The following CDS2 variants were observed in gnomAD, a reference collection of about 807,000 sequenced individuals.
CDS2 encodes CDP-diacylglycerol synthase 2, also known as phosphatidate cytidylyltransferase 2.
CDS2 carries 47 observed loss-of-function variants against 59.0 expected under a neutral mutation model. The ratio of observed to expected loss-of-function variants is 0.80; its 90% CI spans 0.63 to 1.02. The LOEUF (loss-of-function observed/expected upper bound fraction) is 1.02, where lower values mean the gene tolerates loss of function less well. CDS2 is among the 50% of genes least tolerant of loss of function. CDS2 has a pLI of 0.00. For missense variants in CDS2, 356 were observed against 558.9 expected (o/e 0.64, Z 3.66); for synonymous variants, 207 against 206.4 (o/e 1.00, Z -0.02).
chr20:5,168,442 A>G (rs1007333273), intron 1 of CDS2, among the ~76,000 whole-genome samples: 13 of 151,052 alleles, frequency 8.6e-5, no homozygotes, highest in African/African-American at 2.9e-4. Flanking sequence ...AAGAAAAGAA[A>G]AAAAAAAAAG....
intron 1 of CDS2, among the ~76,000 whole-genome samples, chr20:5,160,520 G>A (rs899500421): frequency 6.6e-6 from 1 of 152,104 alleles, no homozygotes; most frequent in Non-Finnish European, 1.5e-5. Context: ...GCCACATGTG[G>A]CCAATTAAAC....
At chr20:5,177,008 G>A (rs570396418) in intron 4 of CDS2, among the ~76,000 whole-genome samples, 5 of 152,152 alleles carry the variant, frequency 3.3e-5, no homozygotes, top group Non-Finnish European at 7.4e-5. Flanking sequence ...CCACAGACTC[G>A]CACAGTGCCT....
chr20:5,181,406 G>A lies in CDS2; in HGVS notation c.530-981G>A, dbSNP rs73893910. Reference sequence around the variant, plus strand: ...TGTTACCAGAAAGGGGTCCAGACCCGGACCCCAAGAGAGTGTTATTGGATC... The same window carrying A: ...TGTTACCAGAAAGGGGTCCAGACCCAGACCCCAAGAGAGTGTTATTGGATC... On this transcript the variant is annotated intron_variant, in intron 5 of 12. Coordinates refer to ENST00000460006, the MANE Select transcript of CDS2 (RefSeq NM_003818.4). 3.2e-3 allele frequency among the ~76,000 whole-genome samples: 490 copies of A among 152,278 alleles called. 5 individuals are homozygous for A. Among genetic ancestry groups the A allele is most frequent in the African/African-American group, 0.011 (462 of 41,548 alleles).
chr20:5,174,789 C>T (rs1303409429), intron 2 of CDS2, among the ~76,000 whole-genome samples: 1 of 151,748 alleles, frequency 6.6e-6, no homozygotes, highest in Non-Finnish European at 1.5e-5. Flanking sequence ...TACTATTATT[C>T]CCATAATTAT....
At chr20:5,135,896 A>T (rs2090646257) in intron 1 of CDS2, among the ~76,000 whole-genome samples, 2 of 152,198 alleles carry the variant, frequency 1.3e-5, no homozygotes, top group Non-Finnish European at 2.9e-5. Flanking sequence ...TCTCATGAGC[A>T]CTGCTGTCTG....
At chr20:5,160,303 G>A (rs1472052811) in intron 1 of CDS2, among the ~76,000 whole-genome samples, 1 of 152,176 alleles carries the variant, frequency 6.6e-6, no homozygotes, top group East Asian at 1.9e-4. Context: ...GCCCTTGACT[G>A]GTTGAACCTT....
chr20:5,137,675 G>C lies in CDS2; in HGVS notation c.57+10526G>C, dbSNP rs191347177. Among the ~76,000 whole-genome samples the C allele has an allele frequency of 1.3e-3, 203 of 151,940 alleles. 1 individual carries two copies. Among genetic ancestry groups the C allele is most frequent in the Non-Finnish European group, 1.6e-3 (108 of 67,958 alleles). ...AAATATTTTTTAAAATTTGCTGGGC[G>C]TGGTGGTGCACGCCTGTAGTCCCAG... On this transcript the variant is annotated intron_variant, in intron 1 of 12. Transcript: ENST00000460006.
intron 10 of CDS2, chr20:5,187,968 G>A (rs943219542): frequency 1.3e-5 from 2 of 151,682 alleles, no homozygotes; most frequent in Non-Finnish European, 2.9e-5. Context: ...TTAGAATTTT[G>A]GAAAGCTTAA....
At chr20:5,135,618 G>A (rs1444243078) in intron 1 of CDS2, among the ~76,000 whole-genome samples, 1 of 152,114 alleles carries the variant, frequency 6.6e-6, no homozygotes, top group Non-Finnish European at 1.5e-5. Flanking sequence ...TAATAGTGAG[G>A]CACCCCCTCC....
rs1169784969 is a variant in CDS2, at chr20:5,191,389, G to A, written c.*1155G>A. 1 of 152,008 alleles carries A rather than the reference G, an allele frequency of 6.6e-6. No individual in the cohort carries two copies. The highest frequency in any genetic ancestry group is 6.6e-5 in the Admixed American group (1 of 15,266). The allele number at this position is 152,008 out of a possible 1,614,324, so 9.4% of individuals were successfully genotyped here. A position where few individuals can be genotyped will look rare whatever the true frequency, so the allele number is the denominator to read the frequency against. On this transcript the variant is annotated 3_prime_UTR_variant, in exon 13 of 13. Transcript: ENST00000460006. The stretch of plus-strand genomic sequence containing the variant: ...TTTGTATTGTACTGGGGGACCTTTC[G>A]TTGTTGTTGTTTGCTTAAACTGTGA...
intron 1 of CDS2, among the ~76,000 whole-genome samples, chr20:5,143,433 AGGT>A (rs1236602059): frequency 1.3e-5 from 2 of 152,200 alleles, no homozygotes; most frequent in Non-Finnish European, 2.9e-5. Flanking sequence ...TTCCACTCTT[AGGT>A]GATTGCCCAG....
chr20:5,176,593 C>A, intron 3 of CDS2, 55 bp from the exon 4 acceptor site: 1 of 1,412,272 alleles, frequency 7.1e-7, no homozygotes, highest in East Asian at 2.3e-5. Flanking sequence ...CTGTTGGTTT[C>A]CATTTCCAAA....
Position 5,190,336 on chromosome 20 carries a change from A to T in CDS2, c.*102A>T. 2 of 1,073,892 alleles carry T rather than the reference A, an allele frequency of 1.9e-6. No homozygotes were observed. The highest frequency in any genetic ancestry group is 2.5e-6 in the Non-Finnish European group (2 of 787,896). The allele number at this position is 1,073,892 out of a possible 1,614,324, so 66.5% of individuals were successfully genotyped here. A position where few individuals can be genotyped will look rare whatever the true frequency, so the allele number is the denominator to read the frequency against. On this transcript the variant is annotated 3_prime_UTR_variant, in exon 13 of 13. Coordinates refer to ENST00000460006, the MANE Select transcript of CDS2 (RefSeq NM_003818.4). ...TTAGACAATGACGAGGCTTCAACTC[A>T]CTGTCTTTTTTTTTTTTTTTTGGAG...
intron 1 of CDS2, among the ~76,000 whole-genome samples, chr20:5,150,902 G>A (rs1329436860): frequency 6.6e-6 from 1 of 152,204 alleles, no homozygotes; most frequent in Non-Finnish European, 1.5e-5. Context: ...AGGGTTCCTG[G>A]CAGAAGGGCA....
Position 5,184,994 on chromosome 20 carries a change from G to A in CDS2, c.759+49G>A, listed in dbSNP as rs2091057094. 3 of 1,331,372 alleles carry A rather than the reference G, an allele frequency of 2.3e-6. No homozygotes were observed. Among genetic ancestry groups the A allele is most frequent in the Non-Finnish European group, 3.3e-6 (3 of 922,352 alleles). The allele number at this position is 1,331,372 out of a possible 1,614,324, so 82.5% of individuals were successfully genotyped here. On this transcript the variant is annotated intron_variant, in intron 8 of 12. Coordinates refer to ENST00000460006, the MANE Select transcript of CDS2 (RefSeq NM_003818.4). The surrounding 1 kb of genome is among the most constrained non-coding windows in gnomAD (Gnocchi z 4.3). ...AATACCACTGTGAGGGGAGGGTGGTGCTCTCAATGTGAGTAGATCAGCCTG... is the reference window on the plus strand; with the variant it reads ...AATACCACTGTGAGGGGAGGGTGGTACTCTCAATGTGAGTAGATCAGCCTG...
At chr20:5,176,954 T>A (rs937288660) in intron 4 of CDS2, among the ~76,000 whole-genome samples, 8 of 152,158 alleles carry the variant, frequency 5.3e-5, no homozygotes, top group African/African-American at 1.9e-4. Flanking sequence ...AGGAGAATGT[T>A]AAGAGAAAGT....
intron 1 of CDS2, among the ~76,000 whole-genome samples, chr20:5,147,026 C>G (rs563351000): frequency 4.4e-4 from 67 of 152,326 alleles, no homozygotes; most frequent in Middle Eastern, 3.4e-3. Context: ...CGCATGATTT[C>G]TGCTCACATG....
chr20:5,165,094 T>C (rs2090904041), intron 1 of CDS2, among the ~76,000 whole-genome samples: 1 of 152,202 alleles, frequency 6.6e-6, no homozygotes, highest in East Asian at 1.9e-4. Flanking sequence ...CATGCAGAGG[T>C]TGGGACTCAG....
At chr20:5,148,753 T>C (rs779928971) in intron 1 of CDS2, among the ~76,000 whole-genome samples, 2 of 152,220 alleles carry the variant, frequency 1.3e-5, no homozygotes, top group African/African-American at 2.4e-5. Context: ...CCTCTTGTGA[T>C]TTTGGGAGCG....
Sources: allele counts gnomAD v4.1 joint callset (sites outside exome capture counted in the v4.1 genomes callset), GRCh38; gene constraint gnomAD v4.1.1; non-coding constraint Gnocchi (gnomAD v3.1); transcripts MANE v1.5; gene names NCBI Gene and HGNC (gene_info 2026-07-23, HGNC 2026-07-21).